Variants in RPS6KA2 observed in about 807,000 individuals in gnomAD.
RPS6KA2 encodes ribosomal protein S6 kinase A2.
RPS6KA2 carries 42 observed loss-of-function variants against 91.8 expected under a neutral mutation model. The ratio of observed to expected loss-of-function variants is 0.46; its 90% CI spans 0.36 to 0.59. RPS6KA2 has a LOEUF of 0.59. Among genes scored for constraint, RPS6KA2 ranks in the 20% least tolerant of loss-of-function variants. The probability of loss-of-function intolerance (pLI) is 0.00; values close to 1 mark genes in which losing one functional copy is unlikely to be tolerated. For synonymous variants in RPS6KA2, 414 were observed against 393.6 expected (o/e 1.05, Z -0.61); for missense variants, 798 against 978.5 (o/e 0.82, Z 2.46).
intron 2 of RPS6KA2, among the ~76,000 whole-genome samples, chr6:166,779,568 C>T (rs1184265645): frequency 6.6e-6 from 1 of 152,170 alleles, no homozygotes; most frequent in African/African-American, 2.4e-5. Context: ...GAACCAGTAA[C>T]CCATGTGCCG....
intron 2 of RPS6KA2, among the ~76,000 whole-genome samples, chr6:166,833,232 T>C (rs1025210038): frequency 6.6e-6 from 1 of 152,206 alleles, no homozygotes; most frequent in Admixed American, 6.5e-5. Context: ...GAAGAAACCA[T>C]TCTTAGCCAA....
At chr6:166,811,639 A>G (rs748587195) in intron 2 of RPS6KA2, among the ~76,000 whole-genome samples, 1 of 152,198 alleles carries the variant, frequency 6.6e-6, no homozygotes, top group Non-Finnish European at 1.5e-5. Context: ...AAACAAAATA[A>G]AAATAAAAGT....
At chr6:166,691,282 T>C (rs1789199552) in intron 2 of RPS6KA2, among the ~76,000 whole-genome samples, 1 of 152,200 alleles carries the variant, frequency 6.6e-6, no homozygotes, top group Admixed American at 6.5e-5. Context: ...ACGGCCCGCA[T>C]GCCAGGTTAG....
At position 166,648,143 on chromosome 6, in the gene RPS6KA2, C is replaced by T. The variant is rs7449690; in HGVS notation, c.124-109359G>A. On this transcript the variant is annotated intron_variant, in intron 2 of 21. Coordinates refer to the RPS6KA2 transcript ENST00000503859. This position sits in a 1 kb window ranked among gnomAD's most constrained non-coding sequence, Gnocchi z 4.8. ...ACGCTCATACACATACATGCACACACGCACATGGTTACACACCCATGCACA... is the reference window on the plus strand; with the variant it reads ...ACGCTCATACACATACATGCACACATGCACATGGTTACACACCCATGCACA... 2.6e-4 allele frequency among the ~76,000 whole-genome samples: 39 copies of T among 151,530 alleles called. No homozygotes were observed. Among genetic ancestry groups the T allele is most frequent in the Admixed American group, 7.2e-4 (11 of 15,230 alleles).
chr6:166,792,719 T>C (rs1348606182), intron 2 of RPS6KA2, among the ~76,000 whole-genome samples: 1 of 152,126 alleles, frequency 6.6e-6, no homozygotes, highest in Non-Finnish European at 1.5e-5. Flanking sequence ...TCAATAAACA[T>C]AATCCATCAT....
intron 2 of RPS6KA2, among the ~76,000 whole-genome samples, chr6:166,797,247 G>A (rs891024864): frequency 2.1e-4 from 32 of 152,164 alleles, no homozygotes; most frequent in Admixed American, 5.2e-4. Flanking sequence ...GATGGCAGGG[G>A]CAAGGCACAC....
intron 3 of RPS6KA2, among the ~76,000 whole-genome samples, chr6:166,526,098 G>C (rs1004888655): frequency 7.0e-6 from 1 of 142,254 alleles, no homozygotes; most frequent in Admixed American, 7.4e-5. Context: ...GCTGCATCAT[G>C]GTTAGATCCA....
In RPS6KA2 at chr6:166,635,551, G is replaced by A. The variant is rs1211218405; in HGVS notation, c.124-96767C>T. ...AAGCTCAGGCTAAAGGCCAGTGAGA[G>A]CATGGTCCTGAGGAGGTTCATTTGG... On this transcript the variant is annotated intron_variant, in intron 2 of 21. Coordinates refer to the RPS6KA2 transcript ENST00000503859. This position sits in a 1 kb window ranked among gnomAD's most constrained non-coding sequence, Gnocchi z 4.8. Among the ~76,000 whole-genome samples, 1 of 152,234 alleles carries A rather than the reference G, an allele frequency of 6.6e-6. No individual in the cohort carries two copies. Among genetic ancestry groups the A allele is most frequent in the Admixed American group, 6.5e-5 (1 of 15,290 alleles).
At chr6:166,552,521 T>C (rs949231776) in intron 1 of RPS6KA2, among the ~76,000 whole-genome samples, 28 of 151,892 alleles carry the variant, frequency 1.8e-4, no homozygotes, top group Non-Finnish European at 4.0e-4. Flanking sequence ...AAAGAAATTG[T>C]ATTATAAAAG....
chr6:166,638,566 G>A (rs1197684230), intron 2 of RPS6KA2, among the ~76,000 whole-genome samples: 6 of 152,196 alleles, frequency 3.9e-5, no homozygotes, highest in Non-Finnish European at 8.8e-5. Context: ...AAACGACCGC[G>A]GTAAGCAGGA....
In RPS6KA2 at chr6:166,652,934, T is replaced by C. The variant is rs901488051; in HGVS notation, c.124-114150A>G. Among the ~76,000 whole-genome samples the C allele has an allele frequency of 3.9e-5, 6 of 152,376 alleles. No homozygotes were observed. In the South Asian group the frequency reaches 1.2e-3, roughly 32 times the overall value. On this transcript the variant is annotated intron_variant, in intron 2 of 21. Transcript: ENST00000503859. ...GCCTTGGGTGGCTGGGCTGTCTTCA[T>C]CATGCTGGGCCCAGCAGCAGGCTAT... is the stretch of plus-strand genomic sequence containing the variant.
At chr6:166,740,410 G>A (rs184152461) in intron 2 of RPS6KA2, among the ~76,000 whole-genome samples, 78 of 152,294 alleles carry the variant, frequency 5.1e-4, no homozygotes, top group Admixed American at 9.2e-4. Context: ...TCAAAGATCA[G>A]CTGTGCAATT....
chr6:166,579,365 T>C (rs977617277), intron 1 of RPS6KA2, among the ~76,000 whole-genome samples: 1 of 152,108 alleles, frequency 6.6e-6, no homozygotes, highest in African/African-American at 2.4e-5. Flanking sequence ...GCTCGGGCCC[T>C]TCCTGGAGTG....
chr6:166,647,836 TCACACA>T lies in RPS6KA2; in HGVS notation c.124-109058_124-109053del, dbSNP rs915875824. On this transcript the variant is annotated intron_variant, in intron 2 of 21. Transcript: ENST00000503859. ...CACATGCTCACACACATGCACATGC[TCACACA>T]CGCACACGCACATGCTCATACACAC... Among the ~76,000 whole-genome samples the T allele has an allele frequency of 8.2e-5, 7 of 84,876 alleles. No individual in the cohort carries two copies. The East Asian group carries it at 1.5e-3, about 19-fold the overall frequency. The allele number at this position is 84,876 out of a possible 152,430, so 55.7% of individuals were successfully genotyped here.
intron 2 of RPS6KA2, among the ~76,000 whole-genome samples, chr6:166,686,302 C>T (rs1003936164): frequency 1.3e-5 from 2 of 152,178 alleles, no homozygotes; most frequent in African/African-American, 4.8e-5. Flanking sequence ...GCAACCCGAC[C>T]TCTCCTACTG....
intron 16 of RPS6KA2, among the ~76,000 whole-genome samples, chr6:166,425,566 CAG>C (rs545430185): frequency 6.6e-6 from 1 of 152,120 alleles, no homozygotes; most frequent in East Asian, 1.9e-4. Flanking sequence ...ATCTCACGTG[CAG>C]AGACACACAT....
intron 2 of RPS6KA2, among the ~76,000 whole-genome samples, chr6:166,841,110 G>T (rs1780465271): frequency 1.3e-5 from 2 of 150,614 alleles, no homozygotes; most frequent in Non-Finnish European, 3.0e-5. Flanking sequence ...AGCAAACCCT[G>T]TCTCTACAAA....
rs3837029 is a variant in RPS6KA2, at chr6:166,593,658, GA to G, written c.99+33262del. On this transcript the variant is annotated intron_variant, in intron 1 of 20. Coordinates refer to ENST00000265678, the MANE Select transcript of RPS6KA2 (RefSeq NM_021135.6). The stretch of plus-strand genomic sequence containing the variant: ...AAATGTAAACACAAACTGGTTTTCG[GA>G]AAAAAAAAACTTGCAAAAGGCAAGA... 5.1e-3 allele frequency among the ~76,000 whole-genome samples: 762 copies of G among 149,108 alleles called. 8 individuals carry two copies. Among genetic ancestry groups the G allele is most frequent in the Non-Finnish European group, 8.7e-3 (585 of 67,088 alleles).
chr6:166,767,347 A>G lies in RPS6KA2; in HGVS notation c.123+90853T>C, dbSNP rs1399358173. ...AAAGACAGAGGAAAACAGAAAAATC[A>G]CTCCTCTAACCAAGACCACAAAGGC... On this transcript the variant is annotated intron_variant, in intron 2 of 21. Coordinates refer to the RPS6KA2 transcript ENST00000503859. This position sits in a 1 kb window ranked among gnomAD's most constrained non-coding sequence, Gnocchi z 4.6. Among the ~76,000 whole-genome samples, 1 of 152,056 alleles carries G rather than the reference A, an allele frequency of 6.6e-6. No individual in the cohort carries two copies. The highest frequency in any genetic ancestry group is 6.6e-5 in the Admixed American group (1 of 15,252).
Sources: gnomAD v4.1 joint callset for allele counts (sites outside exome capture counted in the v4.1 genomes callset) on GRCh38, gnomAD v4.1.1 for gene constraint, Gnocchi (gnomAD v3.1) non-coding constraint, MANE v1.5 for transcripts, NCBI Gene and HGNC (gene_info 2026-07-23, HGNC 2026-07-21) for gene names.